Variants in MAGI2 observed in about 807,000 individuals in gnomAD.
The protein encoded by MAGI2 is membrane-associated guanylate kinase, WW and PDZ domain-containing protein 2.
In MAGI2, 35 loss-of-function variants were observed where a neutral mutation model predicts 133.3. That is an observed-to-expected ratio of 0.26 (90% CI 0.20 to 0.35). MAGI2 has a LOEUF of 0.35. Among genes scored for constraint, MAGI2 ranks in the 10% least tolerant of loss-of-function variants. MAGI2 has a pLI of 1.00. For synonymous variants in MAGI2, 729 were observed against 710.6 expected, an observed-to-expected ratio of 1.03 and a Z score of -0.41; for missense variants, 1,636 against 1,863.4, an observed-to-expected ratio of 0.88 and a Z score of 2.25.
At chr7:78,707,256 T>C (rs1496767) in intron 2 of MAGI2, among the ~76,000 whole-genome samples, 13,464 of 152,128 alleles carry the variant, frequency 0.089, 732 homozygotes, top group African/African-American at 0.15. Flanking sequence ...GAAGAAAGGA[T>C]GATGGCAGAT....
chr7:79,164,769 T>C (rs1230628879), intron 1 of MAGI2, among the ~76,000 whole-genome samples: 2 of 152,060 alleles, frequency 1.3e-5, no homozygotes, highest in African/African-American at 2.4e-5. Context: ...ATGTATTTGA[T>C]TGATGTCTCA....
intron 1 of MAGI2, among the ~76,000 whole-genome samples, chr7:79,114,605 T>A (rs1370342201): frequency 6.6e-6 from 1 of 152,174 alleles, no homozygotes; most frequent in Non-Finnish European, 1.5e-5. Context: ...ATCAATCAAA[T>A]CTACCAACAT....
chr7:79,103,035 A>G (rs370947184), intron 1 of MAGI2, among the ~76,000 whole-genome samples: 4 of 152,202 alleles, frequency 2.6e-5, no homozygotes, highest in African/African-American at 9.7e-5. Flanking sequence ...TTGTCCTGCC[A>G]CATAGACATC....
intron 16 of MAGI2, chr7:78,159,790 TA>T (rs1243736023): frequency 5.5e-6 from 2 of 363,642 alleles, no homozygotes; most frequent in Non-Finnish European, 9.7e-6. Context: ...AGAGCTTTTA[TA>T]GGGGTGGAGG....
chr7:79,166,208 T>G (rs1037479272), intron 1 of MAGI2, among the ~76,000 whole-genome samples: 3 of 152,072 alleles, frequency 2.0e-5, no homozygotes, highest in African/African-American at 7.2e-5. Flanking sequence ...AGATAGTCAC[T>G]TATCAGTCCC....
At chr7:79,260,407 CAT>C (rs1833994909) in intron 1 of MAGI2, among the ~76,000 whole-genome samples, 4 of 102,464 alleles carry the variant, frequency 3.9e-5, no homozygotes, top group South Asian at 6.3e-4. Flanking sequence ...TACATACATA[CAT>C]ACATACACTA....
At chr7:78,070,212 TATATATACAC>T (rs1358731276) in intron 21 of MAGI2, among the ~76,000 whole-genome samples, 9 of 56,478 alleles carry the variant, frequency 1.6e-4, no homozygotes, top group Non-Finnish European at 2.9e-4. Context: ...TATATATATA[TATATATACAC>T]ACACACACAC....
At chr7:79,140,292 A>G (rs1821996545) in intron 1 of MAGI2, among the ~76,000 whole-genome samples, 1 of 152,186 alleles carries the variant, frequency 6.6e-6, no homozygotes, top group Non-Finnish European at 1.5e-5. Flanking sequence ...TTGATTCACT[A>G]TATTTTTGCA....
chr7:78,346,306 G>T (rs1790901629), intron 7 of MAGI2, among the ~76,000 whole-genome samples: 1 of 152,184 alleles, frequency 6.6e-6, no homozygotes, highest in African/African-American at 2.4e-5. Context: ...ACTAGAATGT[G>T]CACTTGCTTT....
intron 12 of MAGI2, among the ~76,000 whole-genome samples, chr7:78,188,620 G>GA (rs1827914554): frequency 6.6e-6 from 1 of 152,092 alleles, no homozygotes; most frequent in African/African-American, 2.4e-5. Context: ...GTGTTCCAGA[G>GA]AACATACGTG....
intron 1 of MAGI2, among the ~76,000 whole-genome samples, chr7:79,144,859 C>A (rs1822467210): frequency 6.6e-6 from 1 of 152,164 alleles, no homozygotes; most frequent in Non-Finnish European, 1.5e-5. Context: ...CCTTCCCCAA[C>A]CCCTCTATTT....
chr7:78,775,510 C>A (rs1053800573), intron 2 of MAGI2, among the ~76,000 whole-genome samples: 2 of 151,962 alleles, frequency 1.3e-5, no homozygotes, highest in African/African-American at 4.8e-5. Context: ...TTTTTCACAT[C>A]TGTGCCTTTG....
chr7:78,464,624 G>A (rs1790422244), intron 6 of MAGI2, among the ~76,000 whole-genome samples: 1 of 151,844 alleles, frequency 6.6e-6, no homozygotes, highest in Non-Finnish European at 1.5e-5. Context: ...TTAATCTACA[G>A]GCCAGATTTT....
chr7:78,670,446 T>C (rs1304322293), intron 2 of MAGI2, among the ~76,000 whole-genome samples: 1 of 152,162 alleles, frequency 6.6e-6, no homozygotes, highest in Non-Finnish European at 1.5e-5. Context: ...GGAAGAACGT[T>C]CAATGCTCAT....
intron 3 of MAGI2, among the ~76,000 whole-genome samples, chr7:78,526,781 G>A (rs536232955): frequency 2.6e-4 from 39 of 152,020 alleles, no homozygotes; most frequent in Non-Finnish European, 4.0e-4. Context: ...AGGCTGAGGC[G>A]GGCAGATCAT....
chr7:78,553,507 C>T (rs1336787606), intron 3 of MAGI2, among the ~76,000 whole-genome samples: 1 of 152,178 alleles, frequency 6.6e-6, no homozygotes, highest in Admixed American at 6.5e-5. Flanking sequence ...AAGACTTGCA[C>T]TTATACAAAC....
chr7:78,820,030 T>C (rs1222163208), intron 2 of MAGI2, among the ~76,000 whole-genome samples: 1 of 151,944 alleles, frequency 6.6e-6, no homozygotes, highest in East Asian at 1.9e-4. Flanking sequence ...GAAGAGTGAA[T>C]CAGATAAATA....
intron 3 of MAGI2, among the ~76,000 whole-genome samples, chr7:78,592,828 C>CTTTTTTTTTTTTTTT (rs10675572): frequency 9.4e-6 from 1 of 106,874 alleles, no homozygotes; most frequent in Non-Finnish European, 1.8e-5. Flanking sequence ...TACTGATTCT[C>CTTTTTTTTTTTTTTT]TTTTTTTTTT....
intron 2 of MAGI2, among the ~76,000 whole-genome samples, chr7:79,004,591 A>G (rs1416451168): frequency 6.6e-6 from 1 of 152,220 alleles, no homozygotes. Context: ...CAAAGTAGCT[A>G]AATGAAATAA....
Sources: allele counts gnomAD v4.1 joint callset (sites outside exome capture counted in the v4.1 genomes callset), GRCh38; gene constraint gnomAD v4.1.1; transcripts MANE v1.5; gene names NCBI Gene and HGNC (gene_info 2026-07-23, HGNC 2026-07-21).